The following RWDD3 variants were observed in gnomAD, a reference collection of about 807,000 sequenced individuals.
RWDD3 encodes RWD domain containing 3.
A neutral mutation model predicts 26.5 loss-of-function variants in RWDD3; 30 were observed. The ratio of observed to expected loss-of-function variants is 1.13; its 90% CI spans 0.85 to 1.54. The LOEUF is 1.54. RWDD3 is among the 40% of genes most tolerant of loss of function. The pLI is 0.00. For missense variants in RWDD3, 296 were observed against 309.1 expected, an observed-to-expected ratio of 0.96 and a Z score of 0.32; for synonymous variants, 113 against 114.5, an observed-to-expected ratio of 0.99 and a Z score of 0.09.
intron 1 of RWDD3, 36 bp downstream of exon 1, chr1:95,234,351 C>G (rs770449900): frequency 6.4e-7 from 1 of 1,550,530 alleles, no homozygotes. Context: ...AGGGCGCCCT[C>G]AGGGGCCACC....
chr1:95,239,935 G>C lies in RWDD3; in HGVS notation c.86-4276G>C, dbSNP rs114702386. 1,126 of 1,289,550 alleles carry C rather than the reference G, an allele frequency of 8.7e-4. 14 individuals carry two copies. In the African/African-American group the frequency reaches 0.016, roughly 18 times the overall value. The allele number at this position is 1,289,550 out of a possible 1,614,324, so 79.9% of individuals were successfully genotyped here. Reference sequence around the variant, plus strand: ...GTAGGTGTTTATATGGCACAGGTTGGAGAACACTGTGGGTCTCAGGGTTTT... The same window carrying C: ...GTAGGTGTTTATATGGCACAGGTTGCAGAACACTGTGGGTCTCAGGGTTTT... On this transcript the variant is annotated intron_variant, in intron 1 of 3. Transcript: ENST00000370202.
intron 1 of RWDD3, among the ~76,000 whole-genome samples, chr1:95,235,351 C>CTTTTTTTTTT (rs1166711835): frequency 1.5e-4 from 6 of 41,352 alleles, no homozygotes; most frequent in Non-Finnish European, 2.4e-4. Context: ...TGCGCCCGGC[C>CTTTTTTTTTT]TTTTTTTTTT....
Position 95,246,966 on chromosome 1 carries a change from GTT to G in RWDD3, c.*98_*99del. 3.0e-6 allele frequency: 2 copies of G among 657,646 alleles called. No homozygotes were observed. The highest frequency in any genetic ancestry group is 4.8e-6 in the Non-Finnish European group (2 of 416,016). 40.7% of individuals were successfully genotyped at this position (657,646 alleles called of 1,614,324 possible). ...GTTAATTGAAATAGTCAATTTTAAAGTTTCTCTGAAGCAAAATGATAGGCATC... is the reference window on the plus strand; with the variant it reads ...GTTAATTGAAATAGTCAATTTTAAAGTCTCTGAAGCAAAATGATAGGCATC... On this transcript the variant is annotated 3_prime_UTR_variant, in exon 4 of 4. Coordinates refer to ENST00000370202, the MANE Select transcript of RWDD3 (RefSeq NM_015485.5).
chr1:95,239,791 A>C (rs1680528915), intron 1 of RWDD3: 2 of 1,285,780 alleles, frequency 1.6e-6, no homozygotes, highest in African/African-American at 1.5e-5. Context: ...AGAAAATAAC[A>C]CAGAGAAAAA....
intron 1 of RWDD3, among the ~76,000 whole-genome samples, chr1:95,237,017 C>T (rs866049849): frequency 1.2e-4 from 18 of 152,158 alleles, no homozygotes; most frequent in African/African-American, 3.1e-4. Context: ...ATTCCATGTT[C>T]TGGCATCAAT....
At chr1:95,241,603 A>C (rs1289735856) in intron 1 of RWDD3, among the ~76,000 whole-genome samples, 1 of 152,196 alleles carries the variant, frequency 6.6e-6, no homozygotes, top group Non-Finnish European at 1.5e-5. Context: ...TTGAACAAAG[A>C]TATTAATGCC....
chr1:95,237,160 CTT>C (rs796604029), intron 1 of RWDD3, among the ~76,000 whole-genome samples: 1 of 143,898 alleles, frequency 6.9e-6, no homozygotes, highest in African/African-American at 2.5e-5. Flanking sequence ...AGGTAAAGGC[CTT>C]TTTTTTTTTT....
intron 1 of RWDD3, among the ~76,000 whole-genome samples, chr1:95,238,625 AAAAC>A (rs1571841728): frequency 6.6e-6 from 1 of 151,446 alleles, no homozygotes; most frequent in African/African-American, 2.4e-5. Flanking sequence ...GCAAAGAAAA[AAAAC>A]ACAAGTGTAG....
At chr1:95,235,281 G>A (rs543638271) in intron 1 of RWDD3, among the ~76,000 whole-genome samples, 2 of 144,202 alleles carry the variant, frequency 1.4e-5, no homozygotes, top group East Asian at 2.1e-4. Flanking sequence ...CTCGATCTCC[G>A]GACCTCGTGG....
At chr1:95,245,663 G>A (rs1224492498) in intron 2 of RWDD3, among the ~76,000 whole-genome samples, 1 of 152,144 alleles carries the variant, frequency 6.6e-6, no homozygotes, top group Admixed American at 6.5e-5. Flanking sequence ...GACTGACTGA[G>A]GAACCTCTTG....
intron 1 of RWDD3, among the ~76,000 whole-genome samples, chr1:95,242,384 C>G (rs1489757688): frequency 6.6e-6 from 1 of 152,128 alleles, no homozygotes; most frequent in African/African-American, 2.4e-5. Flanking sequence ...AGTACAGTGC[C>G]TTGAGCTTAG....
intron 1 of RWDD3, chr1:95,243,443 C>G (rs934740601): frequency 3.3e-5 from 5 of 152,278 alleles, no homozygotes; most frequent in Non-Finnish European, 4.4e-5. Context: ...CAGTTCTGTT[C>G]TACTCAGCCT....
intron 1 of RWDD3, among the ~76,000 whole-genome samples, chr1:95,238,620 G>A (rs373848535): frequency 1.3e-5 from 2 of 150,480 alleles, no homozygotes; most frequent in Non-Finnish European, 1.5e-5. Context: ...CAATTGCAAA[G>A]AAAAAAAACA....
rs374426010 is a variant in RWDD3, at chr1:95,246,843, C to T, written c.777C>T (p.Ser259=). Residue 259 remains serine (S), a synonymous_variant, in exon 4 of 4, where the codon TCC becomes TCT. Transcript: ENST00000370202. ...FETAGLKKLF[S]EFVLALVK ...CTGCAGGACTTAAGAAGCTTTTCTC[C>T]GAATTTGTACTTGCTCTGGTAAAAT... The T allele has an allele frequency of 1.7e-5, 27 of 1,546,090 alleles. No individual in the cohort carries two copies. The African/African-American group carries it at 2.2e-4, about 13-fold the overall frequency.
chr1:95,241,035 G>A (rs1281000956), intron 1 of RWDD3, among the ~76,000 whole-genome samples: 2 of 151,770 alleles, frequency 1.3e-5, no homozygotes, highest in African/African-American at 4.8e-5. Flanking sequence ...GTGACAGAGT[G>A]AGACTCAATC....
chr1:95,234,321 T>C lies in RWDD3; in HGVS notation c.85+6T>C. ...GGAGGTGCTGAGCCGCTCAGGTGAC[T>C]ACCCGCGCGCGGGAGGGACAGGGCG... On this transcript the variant is annotated splice_donor_region_variant and intron_variant, in intron 1 of 3. Coordinates refer to ENST00000370202, the MANE Select transcript of RWDD3 (RefSeq NM_015485.5). The C allele has an allele frequency of 6.3e-7, 1 of 1,586,650 alleles. No homozygotes were observed. Among genetic ancestry groups the C allele is most frequent in the Non-Finnish European group, 8.6e-7 (1 of 1,166,420 alleles).
At chr1:95,235,802 G>C (rs572341682) in intron 1 of RWDD3, among the ~76,000 whole-genome samples, 5 of 151,994 alleles carry the variant, frequency 3.3e-5, no homozygotes, top group Non-Finnish European at 7.4e-5. Context: ...AGTGTAGAGA[G>C]GTTCTTTTGA....
At position 95,247,078 on chromosome 1, in the gene RWDD3, A is replaced by C; in HGVS notation, c.*208A>C. 2.9e-6 allele frequency: 1 copy of C among 348,878 alleles called. No individual in the cohort carries two copies. The highest frequency in any genetic ancestry group is 1.1e-4 in the South Asian group (1 of 8,724). The allele number at this position is 348,878 out of a possible 1,614,324, so 21.6% of individuals were successfully genotyped here. On this transcript the variant is annotated 3_prime_UTR_variant, in exon 4 of 4. Transcript: ENST00000370202. The stretch of plus-strand genomic sequence containing the variant: ...CTTGTATATTCTAATGTTTGCCAGG[A>C]AAGGCTAGGTTCAGTAGATGAGACA...
At chr1:95,240,125 GTTAAC>G (rs1173271127) in intron 1 of RWDD3, among the ~76,000 whole-genome samples, 1 of 152,110 alleles carries the variant, frequency 6.6e-6, no homozygotes, top group African/African-American at 2.4e-5. Flanking sequence ...TCTCGAAATC[GTTAAC>G]TTAATCATGT....
Sources: gnomAD v4.1 joint callset for allele counts (sites outside exome capture counted in the v4.1 genomes callset) on GRCh38, gnomAD v4.1.1 for gene constraint, MANE v1.5 for transcripts, NCBI Gene and HGNC (gene_info 2026-07-23, HGNC 2026-07-21) for gene names.